The following TDRP variants were observed in gnomAD, a reference collection of about 807,000 sequenced individuals.
The protein encoded by TDRP is testis development related protein.
Under a neutral mutation model 10.5 loss-of-function variants are expected in TDRP, and 12 were observed. The observed-to-expected ratio is 1.15, with a 90% confidence interval of 0.73 to 1.86. The LOEUF (loss-of-function observed/expected upper bound fraction) is 1.86, where lower values mean the gene tolerates loss of function less well. Ranked by LOEUF, TDRP falls within the 40% of genes most tolerant of loss-of-function variation. The probability of loss-of-function intolerance (pLI) is 0.00; values close to 1 mark genes in which losing one functional copy is unlikely to be tolerated. For missense variants in TDRP, 353 were observed against 229.2 expected (o/e 1.54, Z -3.49); for synonymous variants, 139 against 95.4 (o/e 1.46, Z -2.67).
intron 1 of TDRP, among the ~76,000 whole-genome samples, chr8:535,438 G>T (rs369033062): frequency 1.3e-5 from 2 of 152,192 alleles, no homozygotes; most frequent in Non-Finnish European, 2.9e-5. Flanking sequence ...CAGATAAAAC[G>T]AACATAAAAC....
At chr8:542,648 T>C (rs1486734913) in intron 1 of TDRP, among the ~76,000 whole-genome samples, 1 of 152,070 alleles carries the variant, frequency 6.6e-6, no homozygotes, top group Non-Finnish European at 1.5e-5. Context: ...GCAGATCACC[T>C]GAGATCATGA....
chr8:524,143 A>G (rs1214532896), intron 1 of TDRP, among the ~76,000 whole-genome samples: 1 of 152,220 alleles, frequency 6.6e-6, no homozygotes, highest in African/African-American at 2.4e-5. Flanking sequence ...GAAAACAACA[A>G]GAGTTTCTGC....
rs537731178 is a variant in TDRP, at chr8:491,487, C to G, written c.*912G>C. The G allele has an allele frequency of 1.1e-6, 1 of 898,706 alleles. No homozygotes were observed. The highest frequency in any genetic ancestry group is 1.5e-6 in the Non-Finnish European group (1 of 646,052). 55.7% of individuals were successfully genotyped at this position (898,706 alleles called of 1,614,324 possible). A position where few individuals can be genotyped will look rare whatever the true frequency, so the allele number is the denominator to read the frequency against. On this transcript the variant is annotated 3_prime_UTR_variant, in exon 3 of 3. Coordinates refer to ENST00000324079, the MANE Select transcript of TDRP (RefSeq NM_001384899.1). ...GTCGATTATTCTTGTGGAAAAAACA[C>G]AGCTTCTTACAGATCTAACACCAAT...
intron 1 of TDRP, among the ~76,000 whole-genome samples, chr8:518,669 G>C (rs914976465): frequency 9.7e-4 from 147 of 151,796 alleles, no homozygotes; most frequent in African/African-American, 3.3e-3. Context: ...AAGCCATAAA[G>C]GAACTAAAAG....
intron 1 of TDRP, among the ~76,000 whole-genome samples, chr8:500,990 AG>A (rs1373499011): frequency 3.9e-5 from 6 of 152,104 alleles, no homozygotes; most frequent in African/African-American, 1.4e-4. Context: ...GTGGATCACA[AG>A]GTCAGGAGAT....
At chr8:512,808 A>C (rs781392057) in intron 1 of TDRP, among the ~76,000 whole-genome samples, 5 of 151,958 alleles carry the variant, frequency 3.3e-5, no homozygotes, top group Admixed American at 6.6e-5. Flanking sequence ...CCCATCTCTA[A>C]TAAAAATACA....
chr8:532,614 G>C (rs1432383735), intron 1 of TDRP, among the ~76,000 whole-genome samples: 1 of 152,170 alleles, frequency 6.6e-6, no homozygotes, highest in Admixed American at 6.5e-5. Context: ...TAATACAATG[G>C]AAGCTCCGGA....
At position 491,646 on chromosome 8, in the gene TDRP, TA is replaced by T. The variant is rs1301840504; in HGVS notation, c.*752del. ...TTCCTAAATGAAATTATCAACTGAC[TA>T]AAATTGATCCATACTTCTTTAATCT... On this transcript the variant is annotated 3_prime_UTR_variant, in exon 3 of 3. Transcript: ENST00000324079. 6.5e-6 allele frequency: 10 copies of T among 1,531,262 alleles called. No homozygotes were observed. The Admixed American group carries it at 1.8e-4, about 28-fold the overall frequency. 94.9% of individuals were successfully genotyped at this position (1,531,262 alleles called of 1,614,324 possible).
intron 1 of TDRP, among the ~76,000 whole-genome samples, chr8:510,596 G>T (rs1801590072): frequency 6.6e-6 from 1 of 151,842 alleles, no homozygotes; most frequent in African/African-American, 2.4e-5. Flanking sequence ...AGCACTCAAT[G>T]AAGAAAAAAA....
chr8:530,194 C>G (rs1328777432), intron 1 of TDRP, among the ~76,000 whole-genome samples: 1 of 141,326 alleles, frequency 7.1e-6, no homozygotes, highest in South Asian at 2.4e-4. Flanking sequence ...TTGTATGGTT[C>G]TTTTTTTATA....
intron 1 of TDRP, among the ~76,000 whole-genome samples, chr8:523,607 G>A (rs944760097): frequency 3.9e-5 from 6 of 152,112 alleles, no homozygotes; most frequent in Admixed American, 2.0e-4. Context: ...CAGCATTCAC[G>A]AGCTGACTAA....
intron 2 of TDRP, among the ~76,000 whole-genome samples, chr8:493,319 A>C (rs1801032611): frequency 6.6e-6 from 1 of 152,250 alleles, no homozygotes; most frequent in South Asian, 2.1e-4. Context: ...CATTGTTAAG[A>C]ACACCAGTGC....
At chr8:508,406 C>T (rs1801523526) in intron 1 of TDRP, among the ~76,000 whole-genome samples, 1 of 152,176 alleles carries the variant, frequency 6.6e-6, no homozygotes, top group Admixed American at 6.5e-5. Flanking sequence ...CTCAGTTCCA[C>T]ATGGCTGGGA....
At position 492,598 on chromosome 8, in the gene TDRP, G is replaced by C; in HGVS notation, c.359C>G (p.Ser120Trp). The change falls in exon 3 of 3, where the codon TCG becomes TGG. Residue 120 changes from serine (S) to tryptophan (W), a missense_variant. Transcript: ENST00000324079. The part of the protein sequence containing the change: ...EPPKLALEDI[S>W]ADPEDTVGGH... ...ACCCACGGTGTCCTCAGGGTCAGCCGATATGTCTTCAAGAGCAAGTTTTGG... is the reference window on the plus strand; with the variant it reads ...ACCCACGGTGTCCTCAGGGTCAGCCCATATGTCTTCAAGAGCAAGTTTTGG... 1.9e-6 allele frequency: 3 copies of C among 1,613,898 alleles called. No homozygotes were observed. Among genetic ancestry groups the C allele is most frequent in the Middle Eastern group, 3.3e-4 (2 of 6,062 alleles).
Position 501,098 on chromosome 8 carries a change from T to G in TDRP, c.109-6501A>C, listed in dbSNP as rs548210979. On this transcript the variant is annotated intron_variant, in intron 1 of 2. Transcript: ENST00000324079. ...CGGGCGCCTGTAGTCCCAGCTACTC[T>G]GGAGGCTGAGGCAGGAGAATGGCGT... 2.4e-3 allele frequency among the ~76,000 whole-genome samples: 369 copies of G among 151,838 alleles called. 1 individual carries two copies. The highest frequency in any genetic ancestry group is 3.8e-3 in the Non-Finnish European group (260 of 67,944).
rs375619344 is a variant in TDRP at position 542,595 on chromosome 8, T to G, written c.108+2055A>C. 2.0e-4 allele frequency among the ~76,000 whole-genome samples: 30 copies of G among 152,254 alleles called. No individual in the cohort carries two copies. The South Asian group carries it at 5.8e-3, about 29-fold the overall frequency. On this transcript the variant is annotated intron_variant, in intron 1 of 2. Coordinates refer to ENST00000324079, the MANE Select transcript of TDRP (RefSeq NM_001384899.1). ...TGTACAGATAACAGGCCAGGCGCGGTGGCTCACGCCTGTAATCCCAGCACT... is the reference window on the plus strand; with the variant it reads ...TGTACAGATAACAGGCCAGGCGCGGGGGCTCACGCCTGTAATCCCAGCACT...
intron 1 of TDRP, among the ~76,000 whole-genome samples, chr8:539,316 G>A (rs182470357): frequency 1.2e-3 from 183 of 152,276 alleles, no homozygotes; most frequent in African/African-American, 4.4e-3. Context: ...TAGTGTGAAG[G>A]CAGTGGCCTC....
chr8:491,995 A>G lies in TDRP; in HGVS notation c.*404T>C, dbSNP rs1800990068. ...TTTTCTAGCAAAAGAAAAGAACTGC[A>G]TGACAGCTGCATTTATACGTGCTAC... On this transcript the variant is annotated 3_prime_UTR_variant, in exon 3 of 3. Coordinates refer to ENST00000324079, the MANE Select transcript of TDRP (RefSeq NM_001384899.1). 5 of 1,115,792 alleles carry G rather than the reference A, an allele frequency of 4.5e-6. No homozygotes were observed. The highest frequency in any genetic ancestry group is 1.6e-5 in the African/African-American group (1 of 61,454). 69.1% of individuals were successfully genotyped at this position (1,115,792 alleles called of 1,614,324 possible).
At chr8:517,313 T>C (rs189668525) in intron 1 of TDRP, among the ~76,000 whole-genome samples, 203 of 152,336 alleles carry the variant, frequency 1.3e-3, no homozygotes, top group Non-Finnish European at 2.3e-3. Flanking sequence ...CTGTCTCTTG[T>C]GGGGAGAATT....
Sources: gnomAD v4.1 joint callset for allele counts (sites outside exome capture counted in the v4.1 genomes callset) on GRCh38, gnomAD v4.1.1 for gene constraint, MANE v1.5 for transcripts, NCBI Gene and HGNC (gene_info 2026-07-23, HGNC 2026-07-21) for gene names.